Variants in DNAH11 observed in about 807,000 individuals in gnomAD.
The protein encoded by DNAH11 is axonemal beta dynein heavy chain 11.
A neutral mutation model predicts 526.0 loss-of-function variants in DNAH11; 442 were observed. The observed-to-expected ratio is 0.84, with a 90% CI of 0.78 to 0.91. DNAH11 has a LOEUF of 0.91. Ranked by LOEUF, DNAH11 falls within the 40% of genes least tolerant of loss-of-function variation. The pLI, the probability that DNAH11 is intolerant of heterozygous loss-of-function variation, is 0.00. For synonymous variants in DNAH11, 2,461 were observed against 1,935.9 expected (o/e 1.27, Z -7.12); for missense variants, 6,989 against 5,448.7 (o/e 1.28, Z -8.90).
chr7:21,626,940 TG>T (rs1366094012), intron 25 of DNAH11, among the ~76,000 whole-genome samples: 1 of 151,748 alleles, frequency 6.6e-6, no homozygotes, highest in Non-Finnish European at 1.5e-5. Flanking sequence ...TTAGTAGAGA[TG>T]GGGTTTCACT....
At chr7:21,674,417 G>C (rs555668751) in intron 30 of DNAH11, among the ~76,000 whole-genome samples, 1 of 152,214 alleles carries the variant, frequency 6.6e-6, no homozygotes, top group African/African-American at 2.4e-5. Context: ...CTGGAGTGCA[G>C]TGGTGTGATC....
intron 14 of DNAH11, 107 bp downstream of exon 14, chr7:21,591,684 A>T (rs1562684989): frequency 5.1e-6 from 6 of 1,180,688 alleles, no homozygotes; most frequent in Non-Finnish European, 6.8e-6. Context: ...AGCCTGAAAG[A>T]GCTTTATGAA....
chr7:21,753,044 A>G (rs1786479750), intron 54 of DNAH11, among the ~76,000 whole-genome samples: 1 of 152,208 alleles, frequency 6.6e-6, no homozygotes, highest in Admixed American at 6.5e-5. Context: ...GAGCTACAGT[A>G]AGAGAAAACT....
At chr7:21,563,595 C>T (rs1382621703) in intron 5 of DNAH11, among the ~76,000 whole-genome samples, 1 of 152,168 alleles carries the variant, frequency 6.6e-6, no homozygotes, top group Non-Finnish European at 1.5e-5. Context: ...GTATGTAATT[C>T]ATTCCAGTTT....
intron 36 of DNAH11, among the ~76,000 whole-genome samples, chr7:21,698,881 A>G (rs1370878214): frequency 3.3e-5 from 5 of 152,122 alleles, no homozygotes; most frequent in Non-Finnish European, 5.9e-5. Flanking sequence ...AACTAAAACT[A>G]CCATTTCATT....
At chr7:21,863,613 A>C (rs908540196) in intron 69 of DNAH11, among the ~76,000 whole-genome samples, 3 of 152,170 alleles carry the variant, frequency 2.0e-5, no homozygotes, top group Admixed American at 2.0e-4. Flanking sequence ...GGCATGAAAT[A>C]CTTGTTTTGT....
At position 21,543,311 on chromosome 7, in the gene DNAH11, C is replaced by T; in HGVS notation, c.66C>T (p.Thr22=). ...DFREAPTLRL[T]SGAGLEAVGA... Reference sequence around the variant, plus strand: ...GAGAAGCCCCGACCCTTCGCCTAACCTCGGGGGCCGGCCTGGAGGCAGTGG... The same window carrying T: ...GAGAAGCCCCGACCCTTCGCCTAACTTCGGGGGCCGGCCTGGAGGCAGTGG... The change falls in exon 1 of 82, where the codon ACC becomes ACT. Residue 22 remains threonine (T), a synonymous_variant. Transcript: ENST00000409508. 6.5e-7 allele frequency: 1 copy of T among 1,549,924 alleles called. No individual in the cohort carries two copies.
chr7:21,754,051 TATC>T (rs1415184555), intron 54 of DNAH11, among the ~76,000 whole-genome samples: 1 of 152,234 alleles, frequency 6.6e-6, no homozygotes, highest in African/African-American at 2.4e-5. Context: ...AGTTGGTTGA[TATC>T]ATATAGCCTG....
chr7:21,731,565 C>CAAATAAATT (rs1785386083), intron 45 of DNAH11, among the ~76,000 whole-genome samples: 2 of 152,162 alleles, frequency 1.3e-5, no homozygotes, highest in South Asian at 4.1e-4. Flanking sequence ...TTTTCTGAAA[C>CAAATAAATT]TGGTTGCATA....
At chr7:21,555,425 C>A (rs3924043) in intron 2 of DNAH11, among the ~76,000 whole-genome samples, 36,330 of 152,100 alleles carry the variant, frequency 0.24, 4,572 homozygotes, top group East Asian at 0.39. Context: ...TTTCTGTCTC[C>A]CATTTTTGGT....
chr7:21,622,865 C>G (rs1362443310), intron 25 of DNAH11, among the ~76,000 whole-genome samples: 3 of 152,140 alleles, frequency 2.0e-5, no homozygotes, highest in Non-Finnish European at 4.4e-5. Flanking sequence ...CATAAAAACC[C>G]TAGAAGAAAA....
intron 7 of DNAH11, 42 bp from the exon 8 acceptor site, chr7:21,571,764 G>GTT (rs1163910331): frequency 5.4e-6 from 8 of 1,481,126 alleles, no homozygotes; most frequent in Non-Finnish European, 7.2e-6. Context: ...ATATTTTGCT[G>GTT]CTCAATGTAG....
At chr7:21,762,898 CA>C (rs1209259982) in intron 54 of DNAH11, among the ~76,000 whole-genome samples, 1 of 152,096 alleles carries the variant, frequency 6.6e-6, no homozygotes, top group African/African-American at 2.4e-5. Context: ...AGCTTCTATA[CA>C]GCAAAGGAAA....
intron 35 of DNAH11, among the ~76,000 whole-genome samples, chr7:21,694,867 T>G (rs930951610): frequency 1.2e-4 from 18 of 152,318 alleles, no homozygotes; most frequent in Non-Finnish European, 1.5e-5. Flanking sequence ...ATCTGTTGTT[T>G]CCAGACTTTT....
intron 9 of DNAH11, among the ~76,000 whole-genome samples, chr7:21,587,343 CTGTG>C (rs1251485020): frequency 6.6e-6 from 1 of 152,158 alleles, no homozygotes; most frequent in African/African-American, 2.4e-5. Flanking sequence ...CCTGTTCAGT[CTGTG>C]TGTCTGCTTT....
chr7:21,816,304 A>G (rs954170467), intron 63 of DNAH11, among the ~76,000 whole-genome samples, 163 bp from the exon 64 acceptor site: 1 of 152,208 alleles, frequency 6.6e-6, no homozygotes, highest in African/African-American at 2.4e-5. Context: ...TATCAAGTCA[A>G]ATTGCATCTA....
chr7:21,738,999 C>A, intron 47 of DNAH11, 133 bp downstream of exon 47: 4 of 895,556 alleles, frequency 4.5e-6, no homozygotes, highest in Non-Finnish European at 6.3e-6. Context: ...GTGCAATTAT[C>A]CCCAGTTTCT....
chr7:21,567,049 C>G (rs995413406), intron 6 of DNAH11, among the ~76,000 whole-genome samples: 2 of 152,130 alleles, frequency 1.3e-5, no homozygotes, highest in African/African-American at 4.8e-5. Flanking sequence ...TGATGTTGGT[C>G]AAAGGGTACA....
intron 43 of DNAH11, among the ~76,000 whole-genome samples, chr7:21,719,908 G>A (rs1562507910): frequency 6.6e-6 from 1 of 152,160 alleles, no homozygotes; most frequent in East Asian, 1.9e-4. Context: ...GACTTTCTGT[G>A]CTTTAGAGAG....
Sources: allele counts gnomAD v4.1 joint callset (sites outside exome capture counted in the v4.1 genomes callset), GRCh38; gene constraint gnomAD v4.1.1; transcripts MANE v1.5; gene names NCBI Gene and HGNC (gene_info 2026-07-23, HGNC 2026-07-21).